Variants in ZBTB41 observed in about 807,000 individuals in gnomAD.
The protein encoded by ZBTB41 is zinc finger and BTB domain containing 41.
In ZBTB41, 42 loss-of-function variants were observed where a neutral mutation model predicts 87.6. The ratio of observed to expected loss-of-function variants is 0.48; its 90% CI spans 0.37 to 0.62. The LOEUF (loss-of-function observed/expected upper bound fraction) is 0.62, where lower values mean the gene tolerates loss of function less well. ZBTB41 is among the 20% of genes least tolerant of loss of function. The pLI is 0.00. For synonymous variants in ZBTB41, 364 were observed against 364.0 expected, an observed-to-expected ratio of 1.00 and a Z score of 0.00; for missense variants, 799 against 1,078.9, an observed-to-expected ratio of 0.74 and a Z score of 3.63.
chr1:197,169,997 T>G (rs925320313), intron 10 of ZBTB41, among the ~76,000 whole-genome samples: 11 of 151,918 alleles, frequency 7.2e-5, no homozygotes, highest in Admixed American at 1.3e-4. Context: ...CATAATAAAT[T>G]TATTTACTCA....
At chr1:197,165,383 G>A (rs1469019784) in intron 10 of ZBTB41, among the ~76,000 whole-genome samples, 1 of 152,096 alleles carries the variant, frequency 6.6e-6, no homozygotes, top group Non-Finnish European at 1.5e-5. Flanking sequence ...GCCGAGGCGG[G>A]CGGATCACGA....
chr1:197,159,164 AAAT>A lies in ZBTB41; in HGVS notation c.*192_*194del, dbSNP rs1659137488. 1.8e-6 allele frequency: 1 copy of A among 562,336 alleles called. No homozygotes were observed. Among genetic ancestry groups the A allele is most frequent in the Non-Finnish European group, 3.1e-6 (1 of 327,706 alleles). 34.8% of individuals were successfully genotyped at this position (562,336 alleles called of 1,614,324 possible). A position where few individuals can be genotyped will look rare whatever the true frequency, so the allele number is the denominator to read the frequency against. On this transcript the variant is annotated 3_prime_UTR_variant, in exon 11 of 11. Transcript: ENST00000367405. ...TAAAAATCACAAAAATGTGCACTTCAAATATTATGCCAGAAATTTTGTCCAAAT... is the reference window on the plus strand; with the variant it reads ...TAAAAATCACAAAAATGTGCACTTCAATTATGCCAGAAATTTTGTCCAAAT...
chr1:197,173,469 A>G (rs1228522323), intron 9 of ZBTB41, among the ~76,000 whole-genome samples: 2 of 152,108 alleles, frequency 1.3e-5, no homozygotes, highest in Non-Finnish European at 2.9e-5. Flanking sequence ...CAGCAGCATC[A>G]TAATAGCTCA....
chr1:197,180,968 G>A lies in ZBTB41; in HGVS notation c.1676+20C>T. 1 of 1,579,710 alleles carries A rather than the reference G, an allele frequency of 6.3e-7. No individual in the cohort carries two copies. Among genetic ancestry groups the A allele is most frequent in the East Asian group, 2.3e-5 (1 of 44,248 alleles). ...CATAATAGTACTAGGATTTTTGTGG[G>A]TGTGCAGATAATTCTTCACCTTTCT... On this transcript the variant is annotated intron_variant, in intron 6 of 10. Coordinates refer to ENST00000367405, the MANE Select transcript of ZBTB41 (RefSeq NM_194314.3).
rs779924634 is a variant in ZBTB41, at chr1:197,158,309, A to G, written c.*1050T>C. The G allele has an allele frequency of 7.2e-5, 11 of 152,456 alleles. No individual in the cohort carries two copies. The highest frequency in any genetic ancestry group is 1.2e-4 in the Non-Finnish European group (8 of 67,900). The allele number at this position is 152,456 out of a possible 1,614,324, so 9.4% of individuals were successfully genotyped here. On this transcript the variant is annotated 3_prime_UTR_variant, in exon 11 of 11. Coordinates refer to ENST00000367405, the MANE Select transcript of ZBTB41 (RefSeq NM_194314.3). ...ATTGCATGTAAATCTGTATATAAGTAGTGGTTCCATTTAATTAAACAATGT... is the reference window on the plus strand; with the variant it reads ...ATTGCATGTAAATCTGTATATAAGTGGTGGTTCCATTTAATTAAACAATGT...
intron 10 of ZBTB41, among the ~76,000 whole-genome samples, chr1:197,165,531 AC>A (rs1175946522): frequency 6.6e-6 from 1 of 150,888 alleles, no homozygotes; most frequent in Non-Finnish European, 1.5e-5. Context: ...AATGGCGTCA[AC>A]CCGGGAGGCG....
At chr1:197,195,929 CAGA>C (rs1390106970) in intron 2 of ZBTB41, among the ~76,000 whole-genome samples, 5 of 152,122 alleles carry the variant, frequency 3.3e-5, no homozygotes, top group Admixed American at 2.6e-4. Flanking sequence ...ATGGTTCCAG[CAGA>C]AGGTCTCAAA....
chr1:197,200,277 G>T lies in ZBTB41; in HGVS notation c.197C>A (p.Ser66Tyr). Residue 66 changes from serine (S) to tyrosine (Y), a missense_variant, in exon 2 of 11, where the codon TCT becomes TAT. Ser to Tyr is a moderately radical substitution (Grantham distance 144, BLOSUM62 -2). Coordinates refer to ENST00000367405, the MANE Select transcript of ZBTB41 (RefSeq NM_194314.3). ...TAGCAAATTCTTATTATACTGCAAAGAACTTAAAAGCTTTCTCTGATCTGG... is the reference window on the plus strand; with the variant it reads ...TAGCAAATTCTTATTATACTGCAAATAACTTAAAAGCTTTCTCTGATCTGG... ...PSPDQRKLLS[S>Y]LQYNKNLLKY... is the part of the protein sequence containing the mutation. 6.2e-7 allele frequency: 1 copy of T among 1,612,764 alleles called. No individual in the cohort carries two copies.
intron 4 of ZBTB41, 113 bp from the exon 5 acceptor site, chr1:197,188,552 A>C: frequency 9.4e-7 from 1 of 1,067,642 alleles, no homozygotes; most frequent in Non-Finnish European, 1.3e-6. Context: ...TTCTCCCAAC[A>C]GAAAACTTAC....
rs1660256902 is a variant in ZBTB41, at chr1:197,199,662, T to C, written c.812A>G (p.Gln271Arg). The C allele has an allele frequency of 6.2e-7, 1 of 1,613,472 alleles. No homozygotes were observed. Among genetic ancestry groups the C allele is most frequent in the Non-Finnish European group, 8.5e-7 (1 of 1,179,938 alleles). ...VKFDDTSDDE[Q>R]ESGDGSDNLN... The stretch of plus-strand genomic sequence containing the variant: ...ATTGTCTGACCCATCACCACTTTCC[T>C]GTTCATCATCGCTGGTGTCATCAAA... The change falls in exon 2 of 11, where the codon CAG (glutamine) becomes CGG (arginine). Residue 271 changes from glutamine to arginine, a missense_variant. Physicochemically the swap from Gln to Arg is conservative, Grantham distance 43. This residue lies in a region of ZBTB41 where 294 missense variants were observed against 340.1 expected (regional missense o/e 0.86). Transcript: ENST00000367405.
intron 10 of ZBTB41, among the ~76,000 whole-genome samples, chr1:197,171,054 T>C (rs1321907331): frequency 6.6e-6 from 1 of 152,140 alleles, no homozygotes; most frequent in Non-Finnish European, 1.5e-5. Flanking sequence ...AATCAGTGTT[T>C]TTAAAAATTT....
intron 9 of ZBTB41, among the ~76,000 whole-genome samples, chr1:197,173,694 T>C (rs1223178918): frequency 1.3e-5 from 2 of 152,126 alleles, no homozygotes; most frequent in Non-Finnish European, 2.9e-5. Context: ...TTGTGAATAA[T>C]AACCCTGGCA....
At chr1:197,193,788 T>A (rs532659861) in intron 2 of ZBTB41, among the ~76,000 whole-genome samples, 2 of 152,370 alleles carry the variant, frequency 1.3e-5, no homozygotes, top group South Asian at 4.1e-4. Context: ...TATTCCCTTA[T>A]TGTGAAAGTT....
At chr1:197,194,406 AT>A (rs1228646339) in intron 2 of ZBTB41, among the ~76,000 whole-genome samples, 1 of 152,178 alleles carries the variant, frequency 6.6e-6, no homozygotes, top group Non-Finnish European at 1.5e-5. Flanking sequence ...TGCTATGAAA[AT>A]GTCTTTGCTG....
chr1:197,156,731 T>C lies in ZBTB41; in HGVS notation c.*2628A>G, dbSNP rs933201153. On this transcript the variant is annotated 3_prime_UTR_variant, in exon 11 of 11. Transcript: ENST00000367405. ...AATTAGAGGCAGCAGATTAGTTTCA[T>C]TTTGTTTTTGTTGTTGTTGTTTTCA... The C allele has an allele frequency of 6.6e-6, 1 of 152,356 alleles. No individual in the cohort carries two copies. Among genetic ancestry groups the C allele is most frequent in the South Asian group, 2.1e-4 (1 of 4,826 alleles). 9.4% of individuals were successfully genotyped at this position (152,356 alleles called of 1,614,324 possible). A position where few individuals can be genotyped will look rare whatever the true frequency, so the allele number is the denominator to read the frequency against.
chr1:197,197,425 G>A (rs182141757), intron 2 of ZBTB41, among the ~76,000 whole-genome samples: 4 of 152,018 alleles, frequency 2.6e-5, no homozygotes, highest in Admixed American at 2.6e-4. Flanking sequence ...ATGGGTAGAA[G>A]AGTGACATAA....
At chr1:197,184,711 A>T (rs556572490) in intron 5 of ZBTB41, among the ~76,000 whole-genome samples, 3 of 152,272 alleles carry the variant, frequency 2.0e-5, no homozygotes, top group African/African-American at 7.2e-5. Context: ...TCATCTGTAA[A>T]GTGAGTAGTT....
At chr1:197,162,582 C>G (rs913743988) in intron 10 of ZBTB41, among the ~76,000 whole-genome samples, 2 of 152,054 alleles carry the variant, frequency 1.3e-5, no homozygotes, top group Non-Finnish European at 2.9e-5. Context: ...AGACTTATTT[C>G]AGACTTATTT....
rs1339298244 is a variant in ZBTB41, at chr1:197,199,314, G to GT, written c.1120+39dup. The GT allele has an allele frequency of 2.1e-6, 3 of 1,452,146 alleles. No homozygotes were observed. In the South Asian group the frequency reaches 5.0e-5, roughly 24 times the overall value. The allele number at this position is 1,452,146 out of a possible 1,614,324, so 90.0% of individuals were successfully genotyped here. On this transcript the variant is annotated intron_variant, in intron 2 of 10. Coordinates refer to ENST00000367405, the MANE Select transcript of ZBTB41 (RefSeq NM_194314.3). ...ATCACCTTTAAAATATCCAAGAAAA[G>GT]TAAGTGATTAGAGATAGAAAACCAG...
Sources: allele counts gnomAD v4.1 joint callset (sites outside exome capture counted in the v4.1 genomes callset), GRCh38; gene constraint gnomAD v4.1.1; regional missense constraint gnomAD v4.1.1; transcripts MANE v1.5; gene names NCBI Gene and HGNC (gene_info 2026-07-23, HGNC 2026-07-21).